PIK3C2G: variants seen among roughly 807,000 people sequenced by gnomAD.
PIK3C2G encodes the protein phosphatidylinositol-4-phosphate 3-kinase catalytic subunit type 2 gamma.
PIK3C2G carries 168 observed loss-of-function variants against 181.1 expected under a neutral mutation model. The ratio of observed to expected loss-of-function variants is 0.93; its 90% CI spans 0.82 to 1.05. The LOEUF (loss-of-function observed/expected upper bound fraction) is 1.05. PIK3C2G is among the 50% of genes least tolerant of loss of function. The probability of loss-of-function intolerance (pLI) is 0.00; values close to 1 mark genes in which losing one functional copy is unlikely to be tolerated. For synonymous variants in PIK3C2G, 573 were observed against 592.2 expected (o/e 0.97, Z 0.47); for missense variants, 1,869 against 1,732.8 (o/e 1.08, Z -1.40).
rs555214236 is a variant in PIK3C2G, at chr12:18,620,422, T to C, written c.4182+10793T>C. Reference sequence around the variant, plus strand: ...AATTCAGCTTTCTTTTGATTAATATTAGCATGGTATAGCTTTTCTATTCTT... The same window carrying C: ...AATTCAGCTTTCTTTTGATTAATATCAGCATGGTATAGCTTTTCTATTCTT... On this transcript the variant is annotated intron_variant, in intron 31 of 32. Coordinates refer to ENST00000538779, the MANE Select transcript of PIK3C2G (RefSeq NM_001288772.2). Among the ~76,000 whole-genome samples, 3 of 152,242 alleles carry C rather than the reference T, an allele frequency of 2.0e-5. No individual in the cohort carries two copies. In the East Asian group the frequency reaches 5.8e-4, roughly 29 times the overall value.
chr12:18,566,095 A>G (rs1351536373), intron 28 of PIK3C2G, among the ~76,000 whole-genome samples: 1 of 152,240 alleles, frequency 6.6e-6, no homozygotes, highest in Non-Finnish European at 1.5e-5. Context: ...GTTCATTGTT[A>G]AAATATACAA....
chr12:18,423,370 G>C (rs1945599547), intron 17 of PIK3C2G, among the ~76,000 whole-genome samples: 2 of 152,082 alleles, frequency 1.3e-5, no homozygotes, highest in South Asian at 4.1e-4. Flanking sequence ...GGTCCCTAAG[G>C]ATAGTGGGGG....
rs1333333764 is a variant in PIK3C2G, at chr12:18,546,407, C to G, written c.3565C>G (p.Leu1189Val). The G allele has an allele frequency of 6.3e-7, 1 of 1,593,676 alleles. No individual in the cohort carries two copies. The highest frequency in any genetic ancestry group is 1.3e-5 in the African/African-American group (1 of 74,604). The change falls in exon 26 of 33, where the codon CTG (leucine) becomes GTG (valine). Residue 1189 changes from leucine (L) to valine (V), a missense_variant. Coordinates refer to ENST00000538779, the MANE Select transcript of PIK3C2G (RefSeq NM_001288772.2). The stretch of plus-strand genomic sequence containing the variant: ...TAATCTTCGTCCACAAGACACAGAC[C>G]TGGAAGCAACAAGTCATTTTACCAA... Reference protein sequence around the residue: ...YNNLRPQDTDLEATSHFTKKI... With the variant: ...YNNLRPQDTDVEATSHFTKKI...
chr12:18,505,366 C>T lies in PIK3C2G; in HGVS notation c.3228C>T (p.His1076=). 1 of 1,613,094 alleles carries T rather than the reference C, an allele frequency of 6.2e-7. No homozygotes were observed. The change falls in exon 24 of 33, where the codon CAC becomes CAT. Residue 1076 remains histidine (H), a synonymous_variant. Transcript: ENST00000538779. ...TCATCCTGGGAGTATGTGACCGTCA[C>T]AATGATAATATCATGCTGACAAAGT... The part of the protein sequence containing the change: ...VTFILGVCDR[H]NDNIMLTKSG...
At position 18,499,682 on chromosome 12, in the gene PIK3C2G, G is replaced by A. The variant is rs143281364; in HGVS notation, c.3016+1934G>A. Among the ~76,000 whole-genome samples, 1,119 of 152,282 alleles carry A rather than the reference G, an allele frequency of 7.3e-3. 6 individuals carry two copies. Among genetic ancestry groups the A allele is most frequent in the Non-Finnish European group, 0.011 (736 of 68,014 alleles). ...CAAGCGCACTAAATCAGACTTCCCCGGAGGTGGAGGAGAGGCTCAAAGGTT... is the reference window on the plus strand; with the variant it reads ...CAAGCGCACTAAATCAGACTTCCCCAGAGGTGGAGGAGAGGCTCAAAGGTT... On this transcript the variant is annotated intron_variant, in intron 22 of 32. Coordinates refer to ENST00000538779, the MANE Select transcript of PIK3C2G (RefSeq NM_001288772.2).
chr12:18,577,701 A>G (rs1304274267), intron 29 of PIK3C2G, among the ~76,000 whole-genome samples: 1 of 152,192 alleles, frequency 6.6e-6, no homozygotes, highest in Non-Finnish European at 1.5e-5. Flanking sequence ...AATTATAGAT[A>G]TAATAGCTTC....
At chr12:18,254,777 G>A (rs1365978045) in intron 1 of PIK3C2G, among the ~76,000 whole-genome samples, 6 of 151,922 alleles carry the variant, frequency 3.9e-5, no homozygotes, top group South Asian at 4.2e-4. Flanking sequence ...GCTTGAACCC[G>A]GGAGGCAGAG....
chr12:18,247,257 T>C (rs575755322), upstream of PIK3C2G, among the ~76,000 whole-genome samples: 2 of 152,302 alleles, frequency 1.3e-5, no homozygotes, highest in East Asian at 3.9e-4. Flanking sequence ...TCTCCCAAGA[T>C]AGATGTGTGG....
intron 6 of PIK3C2G, among the ~76,000 whole-genome samples, chr12:18,320,746 T>G (rs538748575): frequency 6.6e-6 from 1 of 152,372 alleles, no homozygotes; most frequent in South Asian, 2.1e-4. Flanking sequence ...TCTTTCAGGT[T>G]TATTCTCAAC....
At chr12:18,670,294 G>T in the PIK3C2G span, among the ~76,000 whole-genome samples, 1 of 150,220 alleles carries the variant, frequency 6.7e-6, no homozygotes, top group African/African-American at 2.4e-5. Context: ...ACACATATGC[G>T]CACACACACA....
intron 2 of PIK3C2G, among the ~76,000 whole-genome samples, chr12:18,283,427 TAAAAAAG>T (rs1329297560): frequency 1.3e-5 from 2 of 152,100 alleles, no homozygotes; most frequent in Non-Finnish European, 2.9e-5. Flanking sequence ...ATTTCCGACT[TAAAAAAG>T]AAGAAACATT....
At chr12:18,693,907 T>C in the PIK3C2G span, 1 of 1,528,346 alleles carries the variant, frequency 6.5e-7, no homozygotes. Context: ...TGGCTGATGA[T>C]GTAACCCTGC....
Position 18,618,569 on chromosome 12 carries a change from C to A in PIK3C2G, c.4182+8940C>A, listed in dbSNP as rs183014290. On this transcript the variant is annotated intron_variant, in intron 31 of 32. Coordinates refer to ENST00000538779, the MANE Select transcript of PIK3C2G (RefSeq NM_001288772.2). ...CATTAAAAATATCCACAATACAACT[C>A]AAATTGCTTATATAATACCCAGGAA... Among the ~76,000 whole-genome samples, 4 of 152,218 alleles carry A rather than the reference C, an allele frequency of 2.6e-5. No individual in the cohort carries two copies. The East Asian group carries it at 7.7e-4, about 29-fold the overall frequency.
chr12:18,672,624 C>T, the PIK3C2G span, among the ~76,000 whole-genome samples: 1 of 152,026 alleles, frequency 6.6e-6, no homozygotes, highest in Non-Finnish European at 1.5e-5. Context: ...ATTATTTGAC[C>T]TTTTCTTTAC....
chr12:18,438,004 T>A (rs1565722500), intron 18 of PIK3C2G, among the ~76,000 whole-genome samples: 1 of 151,914 alleles, frequency 6.6e-6, no homozygotes, highest in Non-Finnish European at 1.5e-5. Context: ...AAATAGAAAA[T>A]ATAAACAAGT....
intron 16 of PIK3C2G, among the ~76,000 whole-genome samples, chr12:18,420,012 C>G (rs1294137801): frequency 6.6e-6 from 1 of 152,084 alleles, no homozygotes; most frequent in African/African-American, 2.4e-5. Context: ...AGTTAGTTGT[C>G]TACAAAATTA....
At chr12:18,644,042 T>A (rs1446456849) in intron 32 of PIK3C2G, among the ~76,000 whole-genome samples, 1 of 152,156 alleles carries the variant, frequency 6.6e-6, no homozygotes, top group Admixed American at 6.5e-5. Flanking sequence ...TTCTCCTTAA[T>A]ATCCAGAGAT....
chr12:18,341,152 G>A (rs1939104643), intron 9 of PIK3C2G, among the ~76,000 whole-genome samples: 1 of 152,162 alleles, frequency 6.6e-6, no homozygotes, highest in African/African-American at 2.4e-5. Flanking sequence ...GGATGTTAAA[G>A]TATTGCTGGT....
At chr12:18,500,238 G>C (rs1043980617) in intron 22 of PIK3C2G, among the ~76,000 whole-genome samples, 2 of 151,912 alleles carry the variant, frequency 1.3e-5, no homozygotes, top group African/African-American at 2.4e-5. Context: ...CCCGCACTCG[G>C]AGCGGCCGGC....
Sources: allele counts gnomAD v4.1 joint callset (sites outside exome capture counted in the v4.1 genomes callset), GRCh38; gene constraint gnomAD v4.1.1; transcripts MANE v1.5; gene names NCBI Gene and HGNC (gene_info 2026-07-23, HGNC 2026-07-21).